ZNF85: variants seen among roughly 807,000 people sequenced by gnomAD.
ZNF85 encodes zinc finger protein 85 (HPF4, HTF1).
ZNF85 carries 50 observed loss-of-function variants against 53.9 expected under a neutral mutation model. The ratio of observed to expected loss-of-function variants is 0.93; its 90% confidence interval spans 0.74 to 1.17. The LOEUF (loss-of-function observed/expected upper bound fraction) is 1.17. Ranked by LOEUF, ZNF85 falls within the 50% of genes most tolerant of loss-of-function variation. ZNF85 has a pLI of 0.00. For synonymous variants in ZNF85, 225 were observed against 226.1 expected, an observed-to-expected ratio of 1.00 and a Z score of 0.04; for missense variants, 747 against 688.5, an observed-to-expected ratio of 1.08 and a Z score of -0.95.
At chr19:20,934,897 G>T in intron 2 of ZNF85, 52 bp from the exon 3 acceptor site, 1 of 1,238,918 alleles carries the variant, frequency 8.1e-7, no homozygotes, top group Non-Finnish European at 1.1e-6. Flanking sequence ...TTACTAGATT[G>T]GTCATTAGAG....
At chr19:20,929,465 T>C (rs1972957323) in intron 1 of ZNF85, among the ~76,000 whole-genome samples, 2 of 152,172 alleles carry the variant, frequency 1.3e-5, no homozygotes, top group Admixed American at 1.3e-4. Flanking sequence ...ATTACAGGCA[T>C]GAGCCACTGC....
chr19:20,927,363 G>A (rs1333151419), intron 1 of ZNF85: 1 of 151,932 alleles, frequency 6.6e-6, no homozygotes, highest in African/African-American at 2.4e-5. Flanking sequence ...GGAGGCAGGA[G>A]AATCCCTTGA....
chr19:20,925,183 G>T (rs1188623488), intron 1 of ZNF85, among the ~76,000 whole-genome samples: 1 of 152,140 alleles, frequency 6.6e-6, no homozygotes, highest in Non-Finnish European at 1.5e-5. Context: ...ACCCAGCTGG[G>T]CGCGGTGGCT....
chr19:20,940,733 C>T (rs796999113), intron 3 of ZNF85, among the ~76,000 whole-genome samples: 1 of 152,060 alleles, frequency 6.6e-6, no homozygotes, highest in Admixed American at 6.6e-5. Flanking sequence ...CTTAAGATAT[C>T]TCATATAACT....
intron 1 of ZNF85, 63 bp from the exon 2 acceptor site, chr19:20,933,955 TTATGTG>T (rs1027039191): frequency 1.0e-5 from 13 of 1,304,158 alleles, no homozygotes; most frequent in Admixed American, 2.8e-5. Flanking sequence ...CAGTTGGTAA[TTATGTG>T]TGTGTGTGTG....
At chr19:20,928,058 TAC>T (rs1469488752) in intron 1 of ZNF85, 1 of 152,224 alleles carries the variant, frequency 6.6e-6, no homozygotes, top group Non-Finnish European at 1.5e-5. Flanking sequence ...TATAATAAAC[TAC>T]AGAGTTTGCT....
intron 3 of ZNF85, chr19:20,937,232 A>G (rs1218405107): frequency 4.6e-6 from 2 of 431,794 alleles, no homozygotes; most frequent in South Asian, 1.6e-5. Context: ...AAGTTTCACC[A>G]TATTGGCCAG....
intron 1 of ZNF85, chr19:20,928,506 C>G (rs538769558): frequency 2.0e-5 from 3 of 152,516 alleles, no homozygotes; most frequent in Non-Finnish European, 4.4e-5. Flanking sequence ...GACAGACCCC[C>G]TTTTCTTGCA....
chr19:20,936,383 A>C (rs1312605274), intron 3 of ZNF85, among the ~76,000 whole-genome samples: 1 of 141,540 alleles, frequency 7.1e-6, no homozygotes, highest in Non-Finnish European at 1.6e-5. Flanking sequence ...TTGGTGTCAC[A>C]AAAATCCTTT....
At chr19:20,937,579 G>T (rs1412850289) in intron 3 of ZNF85, among the ~76,000 whole-genome samples, 3 of 152,172 alleles carry the variant, frequency 2.0e-5, no homozygotes, top group Non-Finnish European at 2.9e-5. Context: ...ACTAGGGCAG[G>T]TTTCTGCAGT....
intron 1 of ZNF85, chr19:20,927,645 G>A (rs1001175768): frequency 5.3e-5 from 8 of 152,294 alleles, no homozygotes; most frequent in African/African-American, 1.9e-4. Flanking sequence ...CCAACACTGG[G>A]AGGCTGAGGC....
intron 3 of ZNF85, among the ~76,000 whole-genome samples, chr19:20,947,373 A>T (rs1244938344): frequency 6.6e-6 from 1 of 150,922 alleles, no homozygotes; most frequent in Admixed American, 6.6e-5. Context: ...CTAATTTTGG[A>T]TATGTGCATA....
At chr19:20,930,126 A>ACC (rs1323921189) in intron 1 of ZNF85, among the ~76,000 whole-genome samples, 97 of 146,666 alleles carry the variant, frequency 6.6e-4, no homozygotes, top group African/African-American at 2.3e-3. Flanking sequence ...GTCCCAAAAA[A>ACC]AAAAAAAAAA....
intron 3 of ZNF85, chr19:20,944,075 T>C (rs1187236918): frequency 3.6e-6 from 1 of 275,546 alleles, no homozygotes; most frequent in Admixed American, 6.5e-5. Flanking sequence ...TTGTTTTTCA[T>C]ATTCTATAGA....
intron 3 of ZNF85, chr19:20,946,463 G>C (rs957628115): frequency 3.3e-6 from 1 of 306,734 alleles, no homozygotes; most frequent in Non-Finnish European, 6.3e-6. Flanking sequence ...ATAGAAAGTA[G>C]GTATTGAAAT....
At chr19:20,939,100 A>G (rs558389077) in intron 3 of ZNF85, among the ~76,000 whole-genome samples, 7 of 152,288 alleles carry the variant, frequency 4.6e-5, no homozygotes, top group African/African-American at 1.7e-4. Flanking sequence ...GTGCCTGCCA[A>G]TGATTCAAAG....
intron 3 of ZNF85, chr19:20,942,742 G>T: frequency 2.9e-6 from 2 of 681,978 alleles, no homozygotes; most frequent in Non-Finnish European, 5.3e-6. Context: ...AACACACAGT[G>T]TATAATTTTT....
chr19:20,949,536 C>G lies in ZNF85; in HGVS notation c.1022C>G (p.Pro341Arg). 6.2e-7 allele frequency: 1 copy of G among 1,613,150 alleles called. No individual in the cohort carries two copies. The highest frequency in any genetic ancestry group is 8.5e-7 in the Non-Finnish European group (1 of 1,179,588). Residue 341 changes from proline (P) to arginine (R), a missense_variant, in exon 4 of 4, where the codon CCC becomes CGC. Physicochemically the swap from Pro to Arg is moderately radical, Grantham distance 103. Transcript: ENST00000328178. Reference protein sequence around the residue: ...THKIIHTGEKPYKCKKCGKAF... With the variant: ...THKIIHTGEKRYKCKKCGKAF... ...AAGATAATTCATACTGGAGAGAAACCCTACAAATGTAAAAAATGTGGAAAA... is the reference window on the plus strand; with the variant it reads ...AAGATAATTCATACTGGAGAGAAACGCTACAAATGTAAAAAATGTGGAAAA...
At chr19:20,942,706 C>T in intron 3 of ZNF85, 4 of 591,194 alleles carry the variant, frequency 6.8e-6, no homozygotes, top group Non-Finnish European at 1.2e-5. Context: ...CTTTTAATTC[C>T]TAGTTGCATT....
Sources: allele counts gnomAD v4.1 joint callset (sites outside exome capture counted in the v4.1 genomes callset), GRCh38; gene constraint gnomAD v4.1.1; transcripts MANE v1.5; gene names NCBI Gene and HGNC (gene_info 2026-07-23, HGNC 2026-07-21).